Variants in GLCCI1 observed in about 807,000 individuals in gnomAD.
GLCCI1 encodes the protein glucocorticoid-induced transcript 1 protein.
GLCCI1 carries 24 observed loss-of-function variants against 52.2 expected under a neutral mutation model. That is an observed-to-expected ratio of 0.46 (90% CI 0.33 to 0.65). The LOEUF (loss-of-function observed/expected upper bound fraction) is 0.65, where lower values mean the gene tolerates loss of function less well. Ranked by LOEUF, GLCCI1 falls within the 30% of genes least tolerant of loss-of-function variation. GLCCI1 has a pLI of 0.02. For synonymous variants in GLCCI1, 310 were observed against 276.5 expected (o/e 1.12, Z -1.20); for missense variants, 704 against 701.5 (o/e 1.00, Z -0.04).
Position 8,087,561 on chromosome 7 carries a change from CTG to C in GLCCI1, c.*1025_*1026del, listed in dbSNP as rs1163080722. 2 of 152,526 alleles carry C rather than the reference CTG, an allele frequency of 1.3e-5. No homozygotes were observed. The highest frequency in any genetic ancestry group is 1.5e-5 in the Non-Finnish European group (1 of 68,016). 9.4% of individuals were successfully genotyped at this position (152,526 alleles called of 1,614,324 possible). On this transcript the variant is annotated 3_prime_UTR_variant, in exon 8 of 8. Coordinates refer to ENST00000223145, the MANE Select transcript of GLCCI1 (RefSeq NM_138426.4). ...TTTATGTTAGCCATCAGGGTCATAA[CTG>C]TTACCATTTTATCTAAAGACATATT...
intron 3 of GLCCI1, among the ~76,000 whole-genome samples, chr7:8,044,630 C>CA (rs1429897723): frequency 1.3e-5 from 2 of 152,198 alleles, no homozygotes; most frequent in Admixed American, 1.3e-4. Flanking sequence ...CTCTGCCTCT[C>CA]AAAGTGCTAA....
intron 1 of GLCCI1, among the ~76,000 whole-genome samples, chr7:7,990,136 A>G (rs1780809988): frequency 6.6e-6 from 1 of 152,072 alleles, no homozygotes; most frequent in African/African-American, 2.4e-5. Context: ...ATCTGGAGGT[A>G]TTATTCAGTT....
chr7:8,008,457 C>T (rs139702557), intron 2 of GLCCI1, among the ~76,000 whole-genome samples: 291 of 151,972 alleles, frequency 1.9e-3, no homozygotes, highest in African/African-American at 6.6e-3. Context: ...CCATCACGTC[C>T]AGCTAATTTT....
intron 3 of GLCCI1, among the ~76,000 whole-genome samples, chr7:8,030,154 G>A (rs539953454): frequency 2.0e-5 from 3 of 152,226 alleles, no homozygotes; most frequent in African/African-American, 7.2e-5. Flanking sequence ...CTACTGAAGA[G>A]CTATAGTAAC....
At chr7:8,021,361 T>G (rs1199980815) in intron 2 of GLCCI1, among the ~76,000 whole-genome samples, 1 of 152,240 alleles carries the variant, frequency 6.6e-6, no homozygotes, top group African/African-American at 2.4e-5. Context: ...CTTTCTGATT[T>G]ACATTACGCA....
At chr7:8,051,892 A>G (rs1263602062) in intron 3 of GLCCI1, among the ~76,000 whole-genome samples, 1 of 152,170 alleles carries the variant, frequency 6.6e-6, no homozygotes, top group African/African-American at 2.4e-5. Flanking sequence ...TGTTGTAAAT[A>G]TATTTTCCCA....
At chr7:8,021,334 A>G (rs1239949202) in intron 2 of GLCCI1, among the ~76,000 whole-genome samples, 1 of 152,160 alleles carries the variant, frequency 6.6e-6, no homozygotes, top group Non-Finnish European at 1.5e-5. Context: ...ATTGCCCTTT[A>G]AGTAGTGGTT....
chr7:8,063,936 C>A (rs1782573791), intron 5 of GLCCI1, among the ~76,000 whole-genome samples: 1 of 152,110 alleles, frequency 6.6e-6, no homozygotes, highest in Non-Finnish European at 1.5e-5. Flanking sequence ...CATTTGCCCA[C>A]TTTTTAATGG....
intron 3 of GLCCI1, among the ~76,000 whole-genome samples, chr7:8,028,273 C>T (rs1357866038): frequency 6.6e-6 from 1 of 152,102 alleles, no homozygotes; most frequent in African/African-American, 2.4e-5. Flanking sequence ...TCTCTGACCA[C>T]AGTGGAATAA....
rs1398534311 is a variant in GLCCI1, at chr7:8,087,343, T to G, written c.*805T>G. 1 of 152,682 alleles carries G rather than the reference T, an allele frequency of 6.5e-6. No homozygotes were observed. Among genetic ancestry groups the G allele is most frequent in the Non-Finnish European group, 1.5e-5 (1 of 68,056 alleles). The allele number at this position is 152,682 out of a possible 1,614,324, so 9.5% of individuals were successfully genotyped here. On this transcript the variant is annotated 3_prime_UTR_variant, in exon 8 of 8. Transcript: ENST00000223145. The stretch of plus-strand genomic sequence containing the variant: ...AACTGTTGCATTCACTGTTTCAACA[T>G]GTGTACATGTGGCTTTTTTAAAAGT...
At chr7:8,033,691 C>T (rs185194579) in intron 3 of GLCCI1, among the ~76,000 whole-genome samples, 111 of 151,940 alleles carry the variant, frequency 7.3e-4, no homozygotes, top group Admixed American at 1.6e-3. Context: ...AGAGACCACT[C>T]CAGAATTTAT....
At chr7:8,065,189 CTGTA>C (rs1456637501) in intron 5 of GLCCI1, among the ~76,000 whole-genome samples, 5 of 152,070 alleles carry the variant, frequency 3.3e-5, no homozygotes, top group Non-Finnish European at 2.9e-5. Flanking sequence ...TGATTGTGTT[CTGTA>C]TTTGTCTCTC....
chr7:8,020,299 A>T (rs150329618), intron 2 of GLCCI1, among the ~76,000 whole-genome samples: 2,345 of 152,282 alleles, frequency 0.015, 25 homozygotes, highest in Admixed American at 0.043. Flanking sequence ...ATTTTATGGG[A>T]CCACTGTTAG....
intron 3 of GLCCI1, among the ~76,000 whole-genome samples, chr7:8,045,447 T>C (rs138349056): frequency 0.011 from 1,678 of 152,178 alleles, 31 homozygotes; most frequent in African/African-American, 0.038. Context: ...ATGAACAATA[T>C]GATGAAAGGA....
chr7:8,062,988 A>T (rs766487788), intron 5 of GLCCI1, among the ~76,000 whole-genome samples: 3 of 152,192 alleles, frequency 2.0e-5, no homozygotes, highest in Non-Finnish European at 4.4e-5. Context: ...TATACTCAAT[A>T]ATGGGATTGC....
intron 2 of GLCCI1, among the ~76,000 whole-genome samples, chr7:8,021,930 T>C (rs558006217): frequency 1.3e-5 from 2 of 152,354 alleles, no homozygotes; most frequent in South Asian, 4.1e-4. Flanking sequence ...TATTTTACTG[T>C]TTTTAATCTT....
chr7:8,060,184 G>C lies in GLCCI1; in HGVS notation c.902G>C (p.Gly301Ala), dbSNP rs749723571. The stretch of plus-strand genomic sequence containing the variant: ...TCGCGTGTGCCCTGCAATGTAGAAG[G>C]AATAAGTCCTGAATTAGAAAAGGTA... ...SVSRVPCNVEGISPELEKVFI... is the reference protein window; with the variant it reads ...SVSRVPCNVEAISPELEKVFI... The change falls in exon 5 of 8, where the codon GGA becomes GCA. Residue 301 changes from glycine to alanine, a missense_variant. Physicochemically the swap from Gly to Ala is moderately conservative, Grantham distance 60. Coordinates refer to ENST00000223145, the MANE Select transcript of GLCCI1 (RefSeq NM_138426.4). 8 of 1,612,558 alleles carry C rather than the reference G, an allele frequency of 5.0e-6. No homozygotes were observed. The highest frequency in any genetic ancestry group is 5.9e-6 in the Non-Finnish European group (7 of 1,178,776).
At chr7:8,077,298 A>G (rs901526240) in intron 6 of GLCCI1, among the ~76,000 whole-genome samples, 4 of 152,162 alleles carry the variant, frequency 2.6e-5, no homozygotes, top group East Asian at 3.8e-4. Context: ...TCCTTACACT[A>G]TCTCCTTGTG....
chr7:8,072,485 G>A (rs1782784981), intron 6 of GLCCI1, among the ~76,000 whole-genome samples: 1 of 152,090 alleles, frequency 6.6e-6, no homozygotes, highest in African/African-American at 2.4e-5. Flanking sequence ...TAAAATGTCA[G>A]ACTAGGAAAT....
Sources: allele counts gnomAD v4.1 joint callset (sites outside exome capture counted in the v4.1 genomes callset), GRCh38; gene constraint gnomAD v4.1.1; transcripts MANE v1.5; gene names NCBI Gene and HGNC (gene_info 2026-07-23, HGNC 2026-07-21).